MGST1: variants seen among roughly 807,000 people sequenced by gnomAD.
The protein encoded by MGST1 is microsomal glutathione S-transferase 1.
MGST1 carries 5 observed loss-of-function variants against 8.9 expected under a neutral mutation model. The ratio of observed to expected loss-of-function variants is 0.56; its 90% CI spans 0.29 to 1.19. The LOEUF is 1.19. MGST1 is among the 50% of genes most tolerant of loss of function. MGST1 has a pLI of 0.08. For missense variants in MGST1, 182 were observed against 187.4 expected, an observed-to-expected ratio of 0.97 and a Z score of 0.17; for synonymous variants, 54 against 67.8, an observed-to-expected ratio of 0.80 and a Z score of 1.00.
At chr12:16,574,830 AC>A (rs1428235848) in intron 4 of MGST1, among the ~76,000 whole-genome samples, 3 of 152,310 alleles carry the variant, frequency 2.0e-5, no homozygotes, top group African/African-American at 7.2e-5. Flanking sequence ...GAGTGGGGAA[AC>A]AGAAGTATAG....
At chr12:16,430,835 G>A (rs1054514612) in intron 1 of MGST1, among the ~76,000 whole-genome samples, 2 of 152,130 alleles carry the variant, frequency 1.3e-5, no homozygotes, top group Admixed American at 6.6e-5. Flanking sequence ...AAGACAGCGA[G>A]CCCGTCCTTT....
At chr12:16,359,249 C>T (rs908599740) in intron 3 of MGST1, among the ~76,000 whole-genome samples, 1 of 152,148 alleles carries the variant, frequency 6.6e-6, no homozygotes, top group African/African-American at 2.4e-5. Flanking sequence ...CAAGCAATGC[C>T]CAGTGTTACA....
At chr12:16,473,514 C>A (rs1309172449) in intron 4 of MGST1, among the ~76,000 whole-genome samples, 1 of 152,016 alleles carries the variant, frequency 6.6e-6, no homozygotes, top group Non-Finnish European at 1.5e-5. Flanking sequence ...CAAAGAAATA[C>A]ACTAGGCTTC....
At chr12:16,368,559 A>T (rs1301455840), downstream of MGST1, among the ~76,000 whole-genome samples, 2 of 152,134 alleles carry the variant, frequency 1.3e-5, no homozygotes, top group African/African-American at 4.8e-5. Flanking sequence ...AGGGTGCTTT[A>T]TTCACTATAT....
chr12:16,387,083 CT>C (rs1182400427), intron 1 of MGST1, among the ~76,000 whole-genome samples: 2 of 152,128 alleles, frequency 1.3e-5, no homozygotes, highest in Non-Finnish European at 2.9e-5. Context: ...GCTGTTAAAT[CT>C]TTTACTGTGC....
chr12:16,564,297 G>A (rs1052356415), intron 4 of MGST1, among the ~76,000 whole-genome samples: 3 of 152,126 alleles, frequency 2.0e-5, no homozygotes, highest in African/African-American at 7.2e-5. Flanking sequence ...TTGTGTATGG[G>A]TGGCATTGCA....
At position 16,401,981 on chromosome 12, in the gene MGST1, C is replaced by T; in HGVS notation, n.778+18377C>T. On this transcript the variant is annotated intron_variant and non_coding_transcript_variant, in intron 1 of 1. Transcript: ENST00000359720. This position sits in a 1 kb window ranked among gnomAD's most constrained non-coding sequence, Gnocchi z 4.3. ...TGTTGAGGCAGTCATTCCAGCTCTT[C>T]ATGAACTCTCCAGGGAATTTGTCTT... is the stretch of plus-strand genomic sequence containing the variant. 1.2e-6 allele frequency: 2 copies of T among 1,612,240 alleles called. No individual in the cohort carries two copies.
intron 4 of MGST1, among the ~76,000 whole-genome samples, chr12:16,463,148 A>G (rs1391149034): frequency 6.6e-6 from 1 of 152,104 alleles, no homozygotes; most frequent in Non-Finnish European, 1.5e-5. Flanking sequence ...TTAAGAGACT[A>G]ATACTGCTTA....
At chr12:16,421,316 A>C (rs779735562) in intron 1 of MGST1, among the ~76,000 whole-genome samples, 5 of 152,158 alleles carry the variant, frequency 3.3e-5, no homozygotes, top group Non-Finnish European at 5.9e-5. Context: ...ATCTCTTGGC[A>C]TGAGGAGCCT....
chr12:16,354,300 T>C lies in MGST1; in HGVS notation c.48T>C (p.Phe16=). 6.2e-7 allele frequency: 1 copy of C among 1,608,156 alleles called. No individual in the cohort carries two copies. Among genetic ancestry groups the C allele is most frequent in the African/African-American group, 1.3e-5 (1 of 74,796 alleles). ...QVMDDEVFMA[F]ASYATIILSK... ...TGGATGATGAAGTATTCATGGCTTT[T>C]GCATCCTATGCAACAATTATTCTTT... The change falls in exon 2 of 4, where the codon TTT becomes TTC. Residue 16 remains phenylalanine (F), a synonymous_variant. Coordinates refer to ENST00000396210, the MANE Select transcript of MGST1 (RefSeq NM_020300.5).
rs1207329322 is a variant in MGST1, at chr12:16,363,929, T to C, written c.356T>C (p.Ile119Thr). The C allele has an allele frequency of 6.2e-7, 1 of 1,613,968 alleles. No homozygotes were observed. ...GTCGGAGCACGGATCTACCACACCA[T>C]TGCATATTTGACACCCCTTCCCCAG... ...LFVGARIYHTIAYLTPLPQPN... is the reference protein window; with the variant it reads ...LFVGARIYHTTAYLTPLPQPN... The change falls in exon 4 of 4, where the codon ATT (isoleucine) becomes ACT (threonine). Residue 119 changes from isoleucine to threonine, a missense_variant. Ile to Thr is a moderately conservative substitution (Grantham distance 89). Coordinates refer to ENST00000396210, the MANE Select transcript of MGST1 (RefSeq NM_020300.5). The surrounding 1 kb of genome is among the most constrained non-coding windows in gnomAD (Gnocchi z 4.6).
intron 4 of MGST1, among the ~76,000 whole-genome samples, chr12:16,480,460 GAC>G (rs200050331): frequency 1.3e-5 from 2 of 152,048 alleles, no homozygotes; most frequent in East Asian, 3.9e-4. Flanking sequence ...CTTTTTAAAA[GAC>G]ACAGTTGAGA....
At chr12:16,511,169 AG>A (rs1458884922) in intron 4 of MGST1, among the ~76,000 whole-genome samples, 1 of 152,250 alleles carries the variant, frequency 6.6e-6, no homozygotes, top group East Asian at 1.9e-4. Context: ...TGAAAGTGTT[AG>A]GCAAGTTAAA....
downstream of MGST1, among the ~76,000 whole-genome samples, chr12:16,378,462 T>C (rs1161086052): frequency 1.3e-5 from 2 of 152,202 alleles, no homozygotes; most frequent in African/African-American, 2.4e-5. Flanking sequence ...GTTGTAGATA[T>C]GTGGCATTAT....
intron 3 of MGST1, among the ~76,000 whole-genome samples, chr12:16,372,876 A>G (rs1940317723): frequency 6.8e-6 from 1 of 147,954 alleles, no homozygotes; most frequent in South Asian, 2.1e-4. Flanking sequence ...ATTAGATTAT[A>G]TATTACATAT....
intron 4 of MGST1, among the ~76,000 whole-genome samples, chr12:16,578,089 G>T (rs1227046216): frequency 6.6e-6 from 1 of 152,082 alleles, no homozygotes; most frequent in African/African-American, 2.4e-5. Flanking sequence ...TGTCCTCATT[G>T]CTCACGGCAC....
intron 4 of MGST1, among the ~76,000 whole-genome samples, chr12:16,538,252 T>C (rs1941769452): frequency 6.6e-6 from 1 of 152,174 alleles, no homozygotes; most frequent in Admixed American, 6.5e-5. Flanking sequence ...AAGTTCCTCA[T>C]CTCCATCTGA....
At chr12:16,349,747 T>C (rs1447899925) in intron 1 of MGST1, among the ~76,000 whole-genome samples, 1 of 149,144 alleles carries the variant, frequency 6.7e-6, no homozygotes, top group Admixed American at 6.6e-5. Context: ...GAGCTTCTTT[T>C]TTTTTTTTTT....
At chr12:16,590,985 A>G (rs980690859), downstream of MGST1, among the ~76,000 whole-genome samples, 2 of 152,098 alleles carry the variant, frequency 1.3e-5, no homozygotes, top group African/African-American at 2.4e-5. Flanking sequence ...ATCTCATTCA[A>G]TTCAGCAGAT....
Sources: allele counts gnomAD v4.1 joint callset (sites outside exome capture counted in the v4.1 genomes callset), GRCh38; gene constraint gnomAD v4.1.1; non-coding constraint Gnocchi (gnomAD v3.1); transcripts MANE v1.5; gene names NCBI Gene and HGNC (gene_info 2026-07-23, HGNC 2026-07-21).